NOL4L: variants seen among roughly 807,000 people sequenced by gnomAD.
NOL4L encodes the protein nucleolar protein 4 like.
A neutral mutation model predicts 64.5 loss-of-function variants in NOL4L; 7 were observed. The ratio of observed to expected loss-of-function variants is 0.11; its 90% CI spans 0.06 to 0.20. The LOEUF is 0.20. NOL4L is among the 10% of genes least tolerant of loss of function. The probability of loss-of-function intolerance (pLI) is 1.00; values close to 1 mark genes in which losing one functional copy is unlikely to be tolerated. For missense variants in NOL4L, 680 were observed against 967.1 expected (o/e 0.70, Z 3.94); for synonymous variants, 413 against 401.0 (o/e 1.03, Z -0.36).
Position 32,461,421 on chromosome 20 carries a change from C to CTTTTT in NOL4L, c.842-5031_842-5027dup, listed in dbSNP as rs869282447. 4.5e-4 allele frequency among the ~76,000 whole-genome samples: 26 copies of CTTTTT among 58,340 alleles called. 1 individual carries two copies. The highest frequency in any genetic ancestry group is 5.8e-4 in the Admixed American group (3 of 5,142). The allele number at this position is 58,340 out of a possible 152,430, so 38.3% of individuals were successfully genotyped here. ...ACACTGACCCCTCTACCTTTCTTTT[C>CTTTTT]TTTTTTTTTTTTTTTTTTTGAGACG... On this transcript the variant is annotated intron_variant, in intron 5 of 10. Coordinates refer to ENST00000621426, the MANE Select transcript of NOL4L (RefSeq NM_001256798.2).
chr20:32,458,930 C>T (rs1184662517), intron 5 of NOL4L, among the ~76,000 whole-genome samples: 2 of 152,262 alleles, frequency 1.3e-5, no homozygotes, highest in East Asian at 1.9e-4. Context: ...TCAGGGTGCT[C>T]CTGGAGCCTC....
At chr20:32,556,931 T>C (rs1026706882) in intron 1 of NOL4L, among the ~76,000 whole-genome samples, 3 of 152,204 alleles carry the variant, frequency 2.0e-5, no homozygotes, top group African/African-American at 7.2e-5. Flanking sequence ...GCTTGTGTGA[T>C]ATTGATCGAG....
intron 1 of NOL4L, among the ~76,000 whole-genome samples, chr20:32,541,968 A>G (rs1395156056): frequency 6.6e-6 from 1 of 152,226 alleles, no homozygotes; most frequent in Non-Finnish European, 1.5e-5. Context: ...TACAGTGCCC[A>G]GCACTCCTCC....
At chr20:32,487,213 A>T (rs1272306130) in intron 4 of NOL4L, among the ~76,000 whole-genome samples, 2 of 152,182 alleles carry the variant, frequency 1.3e-5, no homozygotes, top group African/African-American at 2.4e-5. Context: ...GGTTGCAGTG[A>T]GCCGAGATCA....
chr20:32,556,903 G>A lies in NOL4L; in HGVS notation c.321+27667C>T, dbSNP rs150970595. Among the ~76,000 whole-genome samples the A allele has an allele frequency of 5.3e-5, 8 of 152,352 alleles. No individual in the cohort carries two copies. The East Asian group carries it at 9.6e-4, about 18-fold the overall frequency. ...ACCTTGCTCCTTCTGCACCAGCGAC[G>A]TGACTATGCAGGAGGCAGCTTGTGT... On this transcript the variant is annotated intron_variant, in intron 1 of 10. Coordinates refer to ENST00000621426, the MANE Select transcript of NOL4L (RefSeq NM_001256798.2).
intron 1 of NOL4L, among the ~76,000 whole-genome samples, chr20:32,580,332 A>G (rs1233255114): frequency 1.3e-5 from 2 of 152,194 alleles, no homozygotes; most frequent in Non-Finnish European, 2.9e-5. Context: ...CTGATAATTC[A>G]GAGAAAACCA....
At chr20:32,521,873 C>T (rs552046698) in intron 2 of NOL4L, among the ~76,000 whole-genome samples, 16 of 152,204 alleles carry the variant, frequency 1.1e-4, no homozygotes, top group Non-Finnish European at 1.9e-4. Context: ...TGGGTCCTCC[C>T]GCACCTCTCC....
Position 32,491,047 on chromosome 20 carries a change from T to C in NOL4L, c.700-16305A>G, listed in dbSNP as rs150877419. Among the ~76,000 whole-genome samples, 604 of 152,366 alleles carry C rather than the reference T, an allele frequency of 4.0e-3. 2 individuals are homozygous for C. The highest frequency in any genetic ancestry group is 0.017 in the Middle Eastern group (5 of 294). ...GGCCTGTGTTCCTTCCACACATATG[T>C]ACAGAGCCACTACCACACACCAGGC... On this transcript the variant is annotated intron_variant, in intron 4 of 10. Coordinates refer to ENST00000621426, the MANE Select transcript of NOL4L (RefSeq NM_001256798.2).
At chr20:32,542,573 C>T (rs896251088) in intron 1 of NOL4L, among the ~76,000 whole-genome samples, 1 of 152,072 alleles carries the variant, frequency 6.6e-6, no homozygotes, top group Admixed American at 6.5e-5. Flanking sequence ...ACGCTGGTCT[C>T]GAACTACTGG....
rs1257174238 is a variant in NOL4L, at chr20:32,446,058, A to G, written c.*1538T>C. On this transcript the variant is annotated 3_prime_UTR_variant, in exon 11 of 11. Transcript: ENST00000621426. ...CCCTGGGGCCTCTCTGCTCTGAGGG[A>G]GGAAAGGCAACAGAGGGCTTCTGCC... 1 of 152,142 alleles carries G rather than the reference A, an allele frequency of 6.6e-6. No homozygotes were observed. The highest frequency in any genetic ancestry group is 1.9e-4 in the East Asian group (1 of 5,160). The allele number at this position is 152,142 out of a possible 1,614,324, so 9.4% of individuals were successfully genotyped here.
chr20:32,518,497 T>A (rs1001032195), intron 3 of NOL4L, among the ~76,000 whole-genome samples: 1 of 152,144 alleles, frequency 6.6e-6, no homozygotes, highest in African/African-American at 2.4e-5. Context: ...CAGCCATCAG[T>A]GAGGAGTGCG....
At chr20:32,555,354 C>T (rs1978584445) in intron 1 of NOL4L, among the ~76,000 whole-genome samples, 1 of 152,124 alleles carries the variant, frequency 6.6e-6, no homozygotes, top group African/African-American at 2.4e-5. Flanking sequence ...CTCTATTGCA[C>T]AGGCTGGAGT....
At chr20:32,530,517 G>A (rs1017230990) in intron 1 of NOL4L, among the ~76,000 whole-genome samples, 1 of 151,982 alleles carries the variant, frequency 6.6e-6, no homozygotes, top group African/African-American at 2.4e-5. Flanking sequence ...CTCCAGCCTG[G>A]GCAACAGAGC....
chr20:32,488,833 T>G (rs868419279), intron 4 of NOL4L, among the ~76,000 whole-genome samples: 1 of 63,534 alleles, frequency 1.6e-5, no homozygotes, highest in African/African-American at 1.1e-4. Context: ...TTCTTTTTCT[T>G]TCTTTCTTTC....
chr20:32,544,934 G>A (rs1455891401), intron 1 of NOL4L, among the ~76,000 whole-genome samples: 1 of 152,166 alleles, frequency 6.6e-6, no homozygotes, highest in Non-Finnish European at 1.5e-5. Context: ...AGGAAACTGA[G>A]GCTAAGTCAC....
intron 5 of NOL4L, among the ~76,000 whole-genome samples, chr20:32,465,759 G>A (rs1244026894): frequency 2.0e-5 from 3 of 152,240 alleles, no homozygotes; most frequent in Non-Finnish European, 4.4e-5. Context: ...CAGTCCTTAG[G>A]TCGGAGTGAT....
intron 4 of NOL4L, chr20:32,475,367 G>T: frequency 1.4e-5 from 14 of 985,166 alleles, no homozygotes; most frequent in Non-Finnish European, 1.7e-5. Flanking sequence ...GAGAAGGAAG[G>T]GGGCGGGGCA....
At chr20:32,553,922 A>G (rs1037966152) in intron 1 of NOL4L, among the ~76,000 whole-genome samples, 1 of 152,190 alleles carries the variant, frequency 6.6e-6, no homozygotes, top group African/African-American at 2.4e-5. Context: ...ACCACAGGGG[A>G]AAGTGGGTAA....
intron 1 of NOL4L, among the ~76,000 whole-genome samples, chr20:32,558,281 C>T (rs1978783822): frequency 6.6e-6 from 1 of 152,154 alleles, no homozygotes; most frequent in South Asian, 2.1e-4. Context: ...GTCACTTCAA[C>T]TTATGGGCCT....
Sources: allele counts gnomAD v4.1 joint callset (sites outside exome capture counted in the v4.1 genomes callset), GRCh38; gene constraint gnomAD v4.1.1; transcripts MANE v1.5; gene names NCBI Gene and HGNC (gene_info 2026-07-23, HGNC 2026-07-21).